EPB41L3: variants seen among roughly 807,000 people sequenced by gnomAD.
EPB41L3 encodes the protein band 4.1-like protein 3.
Under a neutral mutation model 127.1 loss-of-function variants are expected in EPB41L3, and 57 were observed. The ratio of observed to expected loss-of-function variants is 0.45; its 90% CI spans 0.36 to 0.56. EPB41L3 has a LOEUF of 0.56. Ranked by LOEUF, EPB41L3 falls within the 20% of genes least tolerant of loss-of-function variation. The pLI is 0.00. For synonymous variants in EPB41L3, 572 were observed against 549.5 expected (o/e 1.04, Z -0.57); for missense variants, 1,273 against 1,372.2 (o/e 0.93, Z 1.14).
intron 1 of EPB41L3, among the ~76,000 whole-genome samples, chr18:5,498,104 A>G (rs2091348699): frequency 6.6e-6 from 1 of 152,246 alleles, no homozygotes; most frequent in African/African-American, 2.4e-5. Flanking sequence ...AGCACAGGGC[A>G]GTGTTTCCCA....
intron 1 of EPB41L3, among the ~76,000 whole-genome samples, chr18:5,507,924 T>C (rs910923592): frequency 1.3e-5 from 2 of 152,090 alleles, no homozygotes; most frequent in South Asian, 2.1e-4. Context: ...GTCAGAAAAA[T>C]AACAGTAGCA....
At chr18:5,524,909 G>A (rs1200135868) in intron 1 of EPB41L3, among the ~76,000 whole-genome samples, 1 of 152,146 alleles carries the variant, frequency 6.6e-6, no homozygotes, top group African/African-American at 2.4e-5. Context: ...AAGGAGTGAG[G>A]AGCAGTTCTC....
At position 5,541,252 on chromosome 18, in the gene EPB41L3, C is replaced by CAAAAAAAAAA. The variant is rs370717420; in HGVS notation, c.-12+2651_-12+2660dup. Among the ~76,000 whole-genome samples the CAAAAAAAAAA allele has an allele frequency of 5.3e-4, 25 of 46,766 alleles. 4 individuals carry two copies. The highest frequency in any genetic ancestry group is 2.2e-3 in the African/African-American group (20 of 9,094). 30.7% of individuals were successfully genotyped at this position (46,766 alleles called of 152,430 possible). A position where few individuals can be genotyped will look rare whatever the true frequency, so the allele number is the denominator to read the frequency against. The stretch of plus-strand genomic sequence containing the variant: ...TGGGTGACACAGAAGGACTCCATCT[C>CAAAAAAAAAA]AAAAAAAAAAAAAAAAAAAAAAAAA... On this transcript the variant is annotated intron_variant, in intron 1 of 22. Transcript: ENST00000341928.
rs12150752 is a variant in EPB41L3, at chr18:5,509,929, C to A, written c.-11-20735G>T. On this transcript the variant is annotated intron_variant, in intron 1 of 22. Transcript: ENST00000341928. ...GAGTGACTTACAACTAACCACCAAA[C>A]TAGAGCCAGGTTGGGAAGAACCCAT... Among the ~76,000 whole-genome samples, 6 of 152,276 alleles carry A rather than the reference C, an allele frequency of 3.9e-5. No individual in the cohort carries two copies. The South Asian group carries it at 1.2e-3, about 32-fold the overall frequency.
chr18:5,522,173 G>C (rs1021233516), intron 1 of EPB41L3, among the ~76,000 whole-genome samples: 1 of 152,016 alleles, frequency 6.6e-6, no homozygotes, highest in African/African-American at 2.4e-5. Context: ...ATGCAATCTC[G>C]GTTCACTGCA....
chr18:5,439,214 C>T (rs2080312557), intron 5 of EPB41L3, among the ~76,000 whole-genome samples: 1 of 151,952 alleles, frequency 6.6e-6, no homozygotes, highest in Admixed American at 6.6e-5. Flanking sequence ...GTCTTTCACC[C>T]ATGCCTCACC....
At chr18:5,540,541 A>G in intron 1 of EPB41L3, 2 of 985,490 alleles carry the variant, frequency 2.0e-6, no homozygotes, top group South Asian at 9.4e-5. Flanking sequence ...CCCACAGCCA[A>G]GGCAAATCAA....
At chr18:5,452,366 G>A (rs1375018005) in intron 3 of EPB41L3, among the ~76,000 whole-genome samples, 2 of 148,234 alleles carry the variant, frequency 1.3e-5, no homozygotes, top group Non-Finnish European at 3.0e-5. Context: ...ACAGACACAA[G>A]TGCCTAAAAT....
chr18:5,523,766 T>A (rs990639168), intron 1 of EPB41L3, among the ~76,000 whole-genome samples: 3 of 151,952 alleles, frequency 2.0e-5, no homozygotes, highest in Non-Finnish European at 4.4e-5. Context: ...GCCTGGGCAA[T>A]AAGAGTAAAA....
rs934498206 is a variant in EPB41L3 at position 5,437,960 on chromosome 18, G to A, written c.605+75C>T. On this transcript the variant is annotated intron_variant, in intron 6 of 22. Transcript: ENST00000341928. ...TTGTAAGGCTACCAGATGTAAGCAC[G>A]CTCTTTCCGGAGCATTTAAGAGAAG... is the stretch of plus-strand genomic sequence containing the variant. 76 of 1,081,626 alleles carry A rather than the reference G, an allele frequency of 7.0e-5. 1 individual carries two copies. The highest frequency in any genetic ancestry group is 2.0e-4 in the Admixed American group (7 of 35,794). The allele number at this position is 1,081,626 out of a possible 1,614,324, so 67.0% of individuals were successfully genotyped here.
intron 16 of EPB41L3, chr18:5,400,749 A>T (rs948245091): frequency 1.8e-6 from 1 of 562,490 alleles, no homozygotes; most frequent in African/African-American, 1.9e-5. Context: ...GAGAAAAATC[A>T]GCTTGGATTA....
intron 1 of EPB41L3, among the ~76,000 whole-genome samples, chr18:5,506,061 C>T (rs1054672552): frequency 6.6e-5 from 10 of 151,900 alleles, no homozygotes; most frequent in South Asian, 6.2e-4. Flanking sequence ...CAGCCTACCC[C>T]GCCACATTAC....
intron 12 of EPB41L3, among the ~76,000 whole-genome samples, chr18:5,418,995 T>G (rs2077150407): frequency 6.6e-6 from 1 of 152,202 alleles, no homozygotes; most frequent in Admixed American, 6.5e-5. Context: ...ATAAGCCTCC[T>G]GAAGGGTTTT....
chr18:5,450,112 G>A (rs1568229467), intron 3 of EPB41L3, among the ~76,000 whole-genome samples: 1 of 151,758 alleles, frequency 6.6e-6, no homozygotes. Context: ...TATCATCCTG[G>A]AAAAGGCAAA....
chr18:5,477,039 G>A (rs1310243041), intron 3 of EPB41L3, among the ~76,000 whole-genome samples: 1 of 152,114 alleles, frequency 6.6e-6, no homozygotes, highest in Non-Finnish European at 1.5e-5. Flanking sequence ...TTTTTTCTAT[G>A]TTCCTGCAAT....
intron 1 of EPB41L3, among the ~76,000 whole-genome samples, chr18:5,503,477 G>T (rs1227561477): frequency 2.6e-5 from 4 of 152,162 alleles, no homozygotes; most frequent in Non-Finnish European, 5.9e-5. Flanking sequence ...CTGATGGAAG[G>T]CTCCAGGCAC....
intron 1 of EPB41L3, among the ~76,000 whole-genome samples, chr18:5,525,937 A>G (rs1328889779): frequency 6.6e-6 from 1 of 152,238 alleles, no homozygotes; most frequent in Admixed American, 6.5e-5. Context: ...TTTAGTGCTT[A>G]TAAGGATGGT....
In EPB41L3 at chr18:5,496,764, C is replaced by G. The variant is rs557096428; in HGVS notation, c.-11-7570G>C. ...TTTATGTTGGAAACTTATCAATTAACTTAGAAATACTGGCTACATCATTGC... is the reference window on the plus strand; with the variant it reads ...TTTATGTTGGAAACTTATCAATTAAGTTAGAAATACTGGCTACATCATTGC... On this transcript the variant is annotated intron_variant, in intron 1 of 22. Transcript: ENST00000341928. Among the ~76,000 whole-genome samples the G allele has an allele frequency of 2.6e-5, 4 of 152,356 alleles. No individual in the cohort carries two copies. In the South Asian group the frequency reaches 8.3e-4, roughly 32 times the overall value.
rs1460655308 is a variant in EPB41L3, at chr18:5,393,237, C to T, written c.*248G>A. The T allele has an allele frequency of 2.2e-5, 9 of 417,892 alleles. No homozygotes were observed. The East Asian group carries it at 2.5e-4, about 12-fold the overall frequency. 25.9% of individuals were successfully genotyped at this position (417,892 alleles called of 1,614,324 possible). A position where few individuals can be genotyped will look rare whatever the true frequency, so the allele number is the denominator to read the frequency against. ...AGACATTTTGTGAAAATTAAAAATGCTGCTCTTTTGTAATTTTATCGTTGC... is the reference window on the plus strand; with the variant it reads ...AGACATTTTGTGAAAATTAAAAATGTTGCTCTTTTGTAATTTTATCGTTGC... On this transcript the variant is annotated 3_prime_UTR_variant, in exon 23 of 23. Coordinates refer to ENST00000341928, the MANE Select transcript of EPB41L3 (RefSeq NM_012307.5).
Sources: gnomAD v4.1 joint callset for allele counts (sites outside exome capture counted in the v4.1 genomes callset) on GRCh38, gnomAD v4.1.1 for gene constraint, MANE v1.5 for transcripts, NCBI Gene and HGNC (gene_info 2026-07-23, HGNC 2026-07-21) for gene names.